The following OR2T6 variants were observed in gnomAD, a reference collection of about 807,000 sequenced individuals.
OR2T6 encodes olfactory receptor family 2 subfamily T member 6.
For missense variants in OR2T6, 424 were observed against 391.6 expected (o/e 1.08, Z -0.70); for synonymous variants, 174 against 148.0 (o/e 1.18, Z -1.27).
intron 1 of OR2T6, among the ~76,000 whole-genome samples, chr1:248,376,937 G>A (rs1660947146): frequency 6.6e-6 from 1 of 152,152 alleles, no homozygotes; most frequent in African/African-American, 2.4e-5. Context: ...TTGAAAAAAT[G>A]TTTAAAAATG....
intron 2 of OR2T6, among the ~76,000 whole-genome samples, chr1:248,385,170 C>T (rs1661117235): frequency 6.6e-6 from 1 of 152,142 alleles, no homozygotes; most frequent in Non-Finnish European, 1.5e-5. Flanking sequence ...CACAGCCAAT[C>T]CTTTTTCTGA....
intron 2 of OR2T6, among the ~76,000 whole-genome samples, chr1:248,385,526 G>T (rs914710334): frequency 2.0e-5 from 3 of 152,130 alleles, no homozygotes; most frequent in African/African-American, 7.2e-5. Flanking sequence ...AGTCTTTTAC[G>T]AGTCCATATC....
At chr1:248,381,059 A>G (rs1661020758) in intron 1 of OR2T6, among the ~76,000 whole-genome samples, 1 of 151,930 alleles carries the variant, frequency 6.6e-6, no homozygotes, top group Admixed American at 6.6e-5. Context: ...TGATTAACCT[A>G]GTTGTTTCTA....
Position 248,388,317 on chromosome 1 carries a change from G to A in OR2T6, c.709G>A (p.Ala237Thr), listed in dbSNP as rs2103072756. Residue 237 changes from alanine to threonine, a missense_variant, in exon 3 of 3, where the codon GCC becomes ACC. Coordinates refer to ENST00000641644, the MANE Select transcript of OR2T6 (RefSeq NM_001005471.2). ...GACATCGGCTGAAGGGAGGAAGAAG[G>A]CCTTTGCCACCTGCTCTTCACACAT... is the stretch of plus-strand genomic sequence containing the variant. The part of the protein sequence containing the change: ...QMTSAEGRKK[A>T]FATCSSHMMV... 1 of 1,613,712 alleles carries A rather than the reference G, an allele frequency of 6.2e-7. No individual in the cohort carries two copies. Among genetic ancestry groups the A allele is most frequent in the Middle Eastern group, 1.7e-4 (1 of 6,060 alleles).
intron 1 of OR2T6, among the ~76,000 whole-genome samples, chr1:248,380,098 T>C (rs1383337258): frequency 6.6e-6 from 1 of 151,970 alleles, no homozygotes. Flanking sequence ...GTATGTATTA[T>C]ATCTACTTAT....
At chr1:248,380,671 A>G (rs1024259090) in intron 1 of OR2T6, among the ~76,000 whole-genome samples, 12 of 151,812 alleles carry the variant, frequency 7.9e-5, no homozygotes, top group South Asian at 6.2e-4. Flanking sequence ...ATTTAATGAA[A>G]GTTTGAACTT....
At chr1:248,378,499 T>G (rs1490475400) in intron 1 of OR2T6, among the ~76,000 whole-genome samples, 1 of 152,238 alleles carries the variant, frequency 6.6e-6, no homozygotes, top group Non-Finnish European at 1.5e-5. Flanking sequence ...CCTTTCCCAG[T>G]TATCCGAATT....
chr1:248,387,676 G>C lies in OR2T6; in HGVS notation c.68G>C (p.Cys23Ser), dbSNP rs114783918. ...TLMGLFTHNKCSGFFFGVICA... is the reference protein window; with the variant it reads ...TLMGLFTHNKSSGFFFGVICA... Reference sequence around the variant, plus strand: ...ATGGGGCTCTTCACTCACAATAAATGCTCAGGATTCTTTTTCGGTGTCATT... The same window carrying C: ...ATGGGGCTCTTCACTCACAATAAATCCTCAGGATTCTTTTTCGGTGTCATT... The change falls in exon 3 of 3, where the codon TGC (cysteine) becomes TCC (serine). Residue 23 changes from cysteine to serine, a missense_variant. By Grantham distance (112) the Cys-to-Ser change is moderately radical. Coordinates refer to ENST00000641644, the MANE Select transcript of OR2T6 (RefSeq NM_001005471.2). 41 of 1,613,334 alleles carry C rather than the reference G, an allele frequency of 2.5e-5. No individual in the cohort carries two copies. Among genetic ancestry groups the C allele is most frequent in the Admixed American group, 3.3e-5 (2 of 59,976 alleles).
chr1:248,378,537 G>A (rs534401030), intron 1 of OR2T6, among the ~76,000 whole-genome samples: 9 of 149,106 alleles, frequency 6.0e-5, no homozygotes, highest in East Asian at 1.9e-4. Context: ...AAACATTTGC[G>A]CATATGTGGG....
chr1:248,386,106 C>T lies in OR2T6; in HGVS notation c.-5+1242C>T, dbSNP rs940072417. ...GTGTTCTGGAAGCTGGCTGCCGGCT[C>T]TGTGCACTTACTGCTACATCATCTG... On this transcript the variant is annotated intron_variant, in intron 2 of 2. Transcript: ENST00000641644. Among the ~76,000 whole-genome samples the T allele has an allele frequency of 2.6e-5, 4 of 152,214 alleles. No individual in the cohort carries two copies. The East Asian group carries it at 7.7e-4, about 29-fold the overall frequency.
intron 2 of OR2T6, among the ~76,000 whole-genome samples, chr1:248,385,635 C>G (rs577920079): frequency 3.9e-5 from 6 of 152,302 alleles, no homozygotes; most frequent in African/African-American, 1.4e-4. Context: ...AATGCACAAG[C>G]CTGCAGCCCT....
intron 2 of OR2T6, among the ~76,000 whole-genome samples, chr1:248,385,760 C>A (rs1661127242): frequency 6.6e-6 from 1 of 152,192 alleles, no homozygotes; most frequent in Admixed American, 6.5e-5. Flanking sequence ...GTGGTATACA[C>A]ACAGTAGCTA....
At chr1:248,378,501 A>T (rs908353648) in intron 1 of OR2T6, among the ~76,000 whole-genome samples, 1 of 152,174 alleles carries the variant, frequency 6.6e-6, no homozygotes, top group Admixed American at 6.5e-5. Context: ...TTTCCCAGTT[A>T]TCCGAATTCT....
chr1:248,382,536 CTTT>C (rs1553310854), intron 1 of OR2T6, among the ~76,000 whole-genome samples: 1 of 60,508 alleles, frequency 1.7e-5, no homozygotes. Context: ...TTCTTTCTTT[CTTT>C]TTTTTTTTTT....
At chr1:248,386,251 C>T (rs1394167693) in intron 2 of OR2T6, among the ~76,000 whole-genome samples, 1 of 152,186 alleles carries the variant, frequency 6.6e-6, no homozygotes, top group African/African-American at 2.4e-5. Context: ...TTCTTATATT[C>T]ATCGTGTATT....
At chr1:248,377,086 G>A (rs190855267) in intron 1 of OR2T6, among the ~76,000 whole-genome samples, 128 of 152,282 alleles carry the variant, frequency 8.4e-4, no homozygotes, top group African/African-American at 3.0e-3. Flanking sequence ...ATCGTGTGAT[G>A]GTTGGTTGGT....
At chr1:248,379,598 C>T (rs57146504) in intron 1 of OR2T6, among the ~76,000 whole-genome samples, 13,607 of 152,012 alleles carry the variant, frequency 0.09, 1,874 homozygotes, top group African/African-American at 0.3. Context: ...CTTCTGAGTT[C>T]AATAATTAAT....
At chr1:248,382,389 CAG>C (rs888580083) in intron 1 of OR2T6, among the ~76,000 whole-genome samples, 50 of 152,252 alleles carry the variant, frequency 3.3e-4, no homozygotes, top group African/African-American at 1.2e-3. Flanking sequence ...CATCCATATA[CAG>C]AGTCTTTTTG....
intron 1 of OR2T6, among the ~76,000 whole-genome samples, chr1:248,382,995 G>A (rs541248650): frequency 4.7e-4 from 71 of 152,244 alleles, no homozygotes; most frequent in African/African-American, 1.6e-3. Flanking sequence ...GTAAAGCACC[G>A]CACTTGCCTG....
Sources: allele counts gnomAD v4.1 joint callset (sites outside exome capture counted in the v4.1 genomes callset), GRCh38; gene constraint gnomAD v4.1.1; transcripts MANE v1.5; gene names NCBI Gene and HGNC (gene_info 2026-07-23, HGNC 2026-07-21).